Variants in TBC1D4 observed in about 807,000 individuals in gnomAD.
The protein encoded by TBC1D4 is TBC (Tre-2, BUB2, CDC16) domain-containing protein.
TBC1D4 carries 121 observed loss-of-function variants against 142.5 expected under a neutral mutation model. That is an observed-to-expected ratio of 0.85 (90% CI 0.73 to 0.99). TBC1D4 has a LOEUF of 0.99. Among genes scored for constraint, TBC1D4 ranks in the 50% least tolerant of loss-of-function variants. The pLI, the probability that TBC1D4 is intolerant of heterozygous loss-of-function variation, is 0.00. For missense variants in TBC1D4, 1,475 were observed against 1,606.6 expected, an observed-to-expected ratio of 0.92 and a Z score of 1.40; for synonymous variants, 630 against 628.2, an observed-to-expected ratio of 1.00 and a Z score of -0.04.
At chr13:75,471,509 G>A (rs186251796) in intron 1 of TBC1D4, among the ~76,000 whole-genome samples, 4 of 152,226 alleles carry the variant, frequency 2.6e-5, no homozygotes, top group East Asian at 1.9e-4. Flanking sequence ...AGGCCAAGGC[G>A]GGAGAATCAC....
At chr13:75,367,406 AC>A (rs1882978624) in intron 1 of TBC1D4, among the ~76,000 whole-genome samples, 1 of 152,138 alleles carries the variant, frequency 6.6e-6, no homozygotes, top group Admixed American at 6.5e-5. Context: ...GCTTCCTAAA[AC>A]ATATTTAAAC....
At chr13:75,456,615 C>T (rs564980476) in intron 1 of TBC1D4, among the ~76,000 whole-genome samples, 2 of 151,804 alleles carry the variant, frequency 1.3e-5, no homozygotes, top group Non-Finnish European at 2.9e-5. Flanking sequence ...ACATTCCCTA[C>T]AAGAATGGCT....
At chr13:75,429,218 T>C (rs1457147803) in intron 1 of TBC1D4, among the ~76,000 whole-genome samples, 1 of 152,194 alleles carries the variant, frequency 6.6e-6, no homozygotes, top group Non-Finnish European at 1.5e-5. Context: ...GAAAGAAAGT[T>C]AATTGTCTTA....
intron 1 of TBC1D4, among the ~76,000 whole-genome samples, chr13:75,415,996 C>T (rs896586151): frequency 6.6e-6 from 1 of 152,178 alleles, no homozygotes. Flanking sequence ...AGGAATTGTG[C>T]AATACACTTT....
intron 15 of TBC1D4, 128 bp downstream of exon 15, chr13:75,306,185 T>C: frequency 1.1e-6 from 1 of 885,838 alleles, no homozygotes; most frequent in South Asian, 1.8e-5. Context: ...TTACTTCTCT[T>C]TTTTTACTAA....
intron 1 of TBC1D4, among the ~76,000 whole-genome samples, chr13:75,474,098 G>T (rs1888530116): frequency 6.6e-6 from 1 of 152,082 alleles, no homozygotes; most frequent in Non-Finnish European, 1.5e-5. Flanking sequence ...GTACATACTG[G>T]CATAACTATA....
chr13:75,285,644 G>A lies in TBC1D4; in HGVS notation c.*1148C>T, dbSNP rs1874600730. 6.6e-6 allele frequency: 1 copy of A among 152,586 alleles called. No homozygotes were observed. The highest frequency in any genetic ancestry group is 2.1e-4 in the South Asian group (1 of 4,826). The allele number at this position is 152,586 out of a possible 1,614,324, so 9.5% of individuals were successfully genotyped here. A position where few individuals can be genotyped will look rare whatever the true frequency, so the allele number is the denominator to read the frequency against. On this transcript the variant is annotated 3_prime_UTR_variant, in exon 21 of 21. Coordinates refer to ENST00000377636, the MANE Select transcript of TBC1D4 (RefSeq NM_014832.5). Reference sequence around the variant, plus strand: ...CCACTTTCTTTTTTCCCTTCCAATGGATTTCAACAGTTTGTTCCTAAACAT... The same window carrying A: ...CCACTTTCTTTTTTCCCTTCCAATGAATTTCAACAGTTTGTTCCTAAACAT...
chr13:75,340,482 T>C (rs185886650), intron 7 of TBC1D4, among the ~76,000 whole-genome samples: 1 of 152,320 alleles, frequency 6.6e-6, no homozygotes, highest in East Asian at 1.9e-4. Flanking sequence ...AAATAAAATG[T>C]TCATATGAAT....
chr13:75,442,362 A>G (rs2138203080), intron 1 of TBC1D4, among the ~76,000 whole-genome samples: 1 of 152,336 alleles, frequency 6.6e-6, no homozygotes, highest in South Asian at 2.1e-4. Flanking sequence ...AGTGGGGTTT[A>G]TTATGATGAT....
At chr13:75,338,535 G>A (rs546534374) in intron 7 of TBC1D4, among the ~76,000 whole-genome samples, 88 of 152,246 alleles carry the variant, frequency 5.8e-4, no homozygotes, top group African/African-American at 2.0e-3. Flanking sequence ...AAGAAAACAT[G>A]AAAATATTGT....
At chr13:75,437,724 A>G (rs555296097) in intron 1 of TBC1D4, among the ~76,000 whole-genome samples, 7 of 152,198 alleles carry the variant, frequency 4.6e-5, no homozygotes, top group African/African-American at 1.7e-4. Flanking sequence ...TCTCCAGTGG[A>G]TAACCGACTC....
intron 1 of TBC1D4, among the ~76,000 whole-genome samples, chr13:75,440,760 C>T (rs1221751512): frequency 5.4e-5 from 8 of 147,538 alleles, no homozygotes; most frequent in African/African-American, 2.0e-4. Flanking sequence ...TTTGTAGAGA[C>T]AGGGTCTCAT....
chr13:75,448,521 T>C (rs951834676), intron 1 of TBC1D4, among the ~76,000 whole-genome samples: 3 of 151,110 alleles, frequency 2.0e-5, no homozygotes, highest in South Asian at 2.1e-4. Flanking sequence ...TGAGCCAAGA[T>C]TGCACCATTG....
rs549860172 is a variant in TBC1D4 at position 75,437,218 on chromosome 13, G to T, written c.498+44052C>A. On this transcript the variant is annotated intron_variant, in intron 1 of 20. Coordinates refer to ENST00000377636, the MANE Select transcript of TBC1D4 (RefSeq NM_014832.5). The stretch of plus-strand genomic sequence containing the variant: ...GTGGATTAAATGGTAACAACAGATT[G>T]GCATTTATTTCCCAATTTTTATGGT... Among the ~76,000 whole-genome samples the T allele has an allele frequency of 3.3e-5, 5 of 152,256 alleles. No individual in the cohort carries two copies. In the South Asian group the frequency reaches 1.0e-3, roughly 32 times the overall value.
intron 1 of TBC1D4, among the ~76,000 whole-genome samples, chr13:75,442,772 G>C (rs1052545426): frequency 1.3e-5 from 2 of 150,198 alleles, no homozygotes; most frequent in South Asian, 4.2e-4. Flanking sequence ...AGCGAGACTC[G>C]GTTTCGGAAA....
intron 15 of TBC1D4, 173 bp from the exon 16 acceptor site, chr13:75,302,574 C>G: frequency 2.8e-6 from 2 of 701,794 alleles, no homozygotes; most frequent in Non-Finnish European, 2.4e-6. Flanking sequence ...AATCCTATAG[C>G]TCTTGATGCC....
chr13:75,312,997 G>A (rs1296760224), intron 12 of TBC1D4, 99 bp from the exon 13 acceptor site: 35 of 1,358,544 alleles, frequency 2.6e-5, no homozygotes, highest in African/African-American at 4.3e-5. Context: ...GTTCTGTCAC[G>A]GGCAAGCACA....
In TBC1D4 at chr13:75,459,577, C is replaced by A. The variant is rs186308846; in HGVS notation, c.498+21693G>T. Among the ~76,000 whole-genome samples, 219 of 152,214 alleles carry A rather than the reference C, an allele frequency of 1.4e-3. 1 individual carries two copies. Among genetic ancestry groups the A allele is most frequent in the Non-Finnish European group, 2.0e-3 (134 of 68,014 alleles). ...TATTTTATTTTTTAAAATAAAACCT[C>A]TTTTACCTAGCTCTCTATTAAGGAC... On this transcript the variant is annotated intron_variant, in intron 1 of 20. Transcript: ENST00000377636.
At chr13:75,303,603 G>A (rs1021095442) in intron 15 of TBC1D4, among the ~76,000 whole-genome samples, 1 of 152,076 alleles carries the variant, frequency 6.6e-6, no homozygotes, top group East Asian at 1.9e-4. Context: ...ACATTGAATC[G>A]GCAATGGGTT....
Sources: allele counts gnomAD v4.1 joint callset (sites outside exome capture counted in the v4.1 genomes callset), GRCh38; gene constraint gnomAD v4.1.1; transcripts MANE v1.5; gene names NCBI Gene and HGNC (gene_info 2026-07-23, HGNC 2026-07-21).